Variants in TNFSF13B observed in about 807,000 individuals in gnomAD.
The protein encoded by TNFSF13B is tumor necrosis factor ligand superfamily member 13B.
Under a neutral mutation model 29.1 loss-of-function variants are expected in TNFSF13B, and 8 were observed. That is an observed-to-expected ratio of 0.27 (90% confidence interval 0.16 to 0.50). TNFSF13B has a LOEUF of 0.50. Among genes scored for constraint, TNFSF13B ranks in the 20% least tolerant of loss-of-function variants. The pLI is 0.98. For synonymous variants in TNFSF13B, 125 were observed against 130.8 expected, an observed-to-expected ratio of 0.96 and a Z score of 0.30; for missense variants, 248 against 334.9, an observed-to-expected ratio of 0.74 and a Z score of 2.03.
intron 5 of TNFSF13B, among the ~76,000 whole-genome samples, chr13:108,304,730 C>CA (rs1881722722): frequency 6.6e-6 from 1 of 152,072 alleles, no homozygotes; most frequent in Non-Finnish European, 1.5e-5. Flanking sequence ...ATTTCAAAGG[C>CA]ATTTACAAAC....
At chr13:108,281,056 G>T (rs1478662675) in intron 2 of TNFSF13B, among the ~76,000 whole-genome samples, 1 of 152,132 alleles carries the variant, frequency 6.6e-6, no homozygotes, top group Non-Finnish European at 1.5e-5. Context: ...AGACCAGCCT[G>T]ACCAACACAG....
intron 2 of TNFSF13B, among the ~76,000 whole-genome samples, chr13:108,275,392 AG>A (rs1412440717): frequency 1.3e-5 from 2 of 152,154 alleles, no homozygotes; most frequent in Non-Finnish European, 2.9e-5. Context: ...TGTTAAAATT[AG>A]GTAACCATTG....
intron 2 of TNFSF13B, among the ~76,000 whole-genome samples, chr13:108,276,642 A>G (rs1306498242): frequency 6.6e-6 from 1 of 152,218 alleles, no homozygotes. Flanking sequence ...CAGGTGAATG[A>G]GTATCAGGAA....
intron 2 of TNFSF13B, among the ~76,000 whole-genome samples, chr13:108,278,591 C>T (rs200395364): frequency 0.015 from 3 of 202 alleles, no homozygotes; most frequent in Admixed American, 0.17. Flanking sequence ...CTCCTCCTCC[C>T]CTTCTCTTCC....
chr13:108,279,737 G>A (rs1841185647), intron 2 of TNFSF13B, among the ~76,000 whole-genome samples: 1 of 152,148 alleles, frequency 6.6e-6, no homozygotes, highest in African/African-American at 2.4e-5. Flanking sequence ...AACTTGGTAG[G>A]CTAATGGAAT....
chr13:108,274,517 A>G (rs1337872370), intron 2 of TNFSF13B, among the ~76,000 whole-genome samples: 2 of 152,058 alleles, frequency 1.3e-5, no homozygotes, highest in Non-Finnish European at 2.9e-5. Flanking sequence ...CATGTCTACT[A>G]TTCCTTGTTA....
intron 2 of TNFSF13B, among the ~76,000 whole-genome samples, chr13:108,271,573 A>G (rs1321574260): frequency 6.6e-6 from 1 of 151,848 alleles, no homozygotes; most frequent in Non-Finnish European, 1.5e-5. Context: ...TAAAACCATA[A>G]TTTTTGGTAT....
intron 5 of TNFSF13B, 60 bp downstream of exon 5, chr13:108,303,664 T>G: frequency 6.5e-7 from 1 of 1,536,160 alleles, no homozygotes. Flanking sequence ...ACGAAAAATC[T>G]GAGCTGCAAA....
chr13:108,306,471 T>G (rs1331209038), intron 5 of TNFSF13B, among the ~76,000 whole-genome samples: 1 of 151,982 alleles, frequency 6.6e-6, no homozygotes, highest in African/African-American at 2.4e-5. Context: ...AAACTTTCCC[T>G]GTCAACAAAA....
intron 5 of TNFSF13B, among the ~76,000 whole-genome samples, chr13:108,305,613 A>T (rs970123636): frequency 6.6e-6 from 1 of 152,168 alleles, no homozygotes; most frequent in Admixed American, 6.5e-5. Context: ...TTTTATTCTT[A>T]CTACTTAAGG....
chr13:108,302,728 G>A (rs144150353), intron 3 of TNFSF13B: 26,721 of 720,826 alleles, frequency 0.037, 563 homozygotes, highest in Non-Finnish European at 0.041. Flanking sequence ...TTCCTTGACC[G>A]TTCTTAGTAA....
chr13:108,290,487 A>G (rs1013443150), intron 3 of TNFSF13B, among the ~76,000 whole-genome samples: 4 of 152,124 alleles, frequency 2.6e-5, no homozygotes, highest in African/African-American at 9.7e-5. Context: ...GAAAAATAGC[A>G]TCTCTTAATT....
intron 1 of TNFSF13B, 45 bp from the exon 2 acceptor site, chr13:108,270,295 C>G (rs56124946): frequency 0.022 from 36,166 of 1,613,232 alleles, 2,462 homozygotes; most frequent in Admixed American, 0.22. Context: ...GCCTCTCCCT[C>G]GCCTCAGCTG....
intron 3 of TNFSF13B, among the ~76,000 whole-genome samples, chr13:108,300,864 A>G (rs1448410644): frequency 6.6e-6 from 1 of 152,182 alleles, no homozygotes; most frequent in East Asian, 1.9e-4. Flanking sequence ...AAGACCTGGG[A>G]AGTTTCTTGA....
intron 2 of TNFSF13B, among the ~76,000 whole-genome samples, chr13:108,275,830 T>A (rs779358832): frequency 1.1e-4 from 17 of 152,194 alleles, no homozygotes; most frequent in Non-Finnish European, 1.9e-4. Context: ...TTAATTTGAA[T>A]TTCACGAGTT....
chr13:108,297,493 C>T (rs1023639133), intron 3 of TNFSF13B, among the ~76,000 whole-genome samples: 3 of 145,386 alleles, frequency 2.1e-5, no homozygotes, highest in Admixed American at 6.8e-5. Context: ...CTTTCTTCAG[C>T]GTTGGAAAGA....
At chr13:108,288,336 A>G (rs954353276) in intron 3 of TNFSF13B, among the ~76,000 whole-genome samples, 3 of 152,168 alleles carry the variant, frequency 2.0e-5, no homozygotes, top group African/African-American at 7.2e-5. Flanking sequence ...ATATGCACAA[A>G]TGCTCCTTGG....
At chr13:108,275,945 T>G (rs187756676) in intron 2 of TNFSF13B, among the ~76,000 whole-genome samples, 75 of 152,358 alleles carry the variant, frequency 4.9e-4, no homozygotes, top group African/African-American at 1.7e-3. Context: ...CACCAAATAT[T>G]ATACCTTAAG....
At chr13:108,278,360 A>G (rs1464455707) in intron 2 of TNFSF13B, among the ~76,000 whole-genome samples, 1 of 152,096 alleles carries the variant, frequency 6.6e-6, no homozygotes, top group Admixed American at 6.5e-5. Flanking sequence ...GATGGAGCAG[A>G]CTTGGGTAAG....
Sources: gnomAD v4.1 joint callset for allele counts (sites outside exome capture counted in the v4.1 genomes callset) on GRCh38, gnomAD v4.1.1 for gene constraint, MANE v1.5 for transcripts, NCBI Gene and HGNC (gene_info 2026-07-23, HGNC 2026-07-21) for gene names.